Variants in GABRG3 observed in about 807,000 individuals in gnomAD.
GABRG3 encodes the protein gamma-aminobutyric acid receptor subunit gamma-3.
A neutral mutation model predicts 48.8 loss-of-function variants in GABRG3; 25 were observed. That is an observed-to-expected ratio of 0.51 (90% CI 0.37 to 0.72). The LOEUF is 0.72. Among genes scored for constraint, GABRG3 ranks in the 30% least tolerant of loss-of-function variants. The pLI is 0.00. For synonymous variants in GABRG3, 227 were observed against 217.6 expected (o/e 1.04, Z -0.38); for missense variants, 394 against 577.9 (o/e 0.68, Z 3.26).
intron 3 of GABRG3, among the ~76,000 whole-genome samples, chr15:27,287,998 A>G (rs1431058772): frequency 6.6e-6 from 1 of 152,022 alleles, no homozygotes; most frequent in African/African-American, 2.4e-5. Context: ...CGGCCTCCCA[A>G]AGTGCTGGGA....
chr15:27,353,457 T>G (rs1894710515), intron 5 of GABRG3, among the ~76,000 whole-genome samples: 1 of 151,728 alleles, frequency 6.6e-6, no homozygotes, highest in Non-Finnish European at 1.5e-5. Context: ...TATTTATTTA[T>G]TTTTGAGATG....
intron 5 of GABRG3, among the ~76,000 whole-genome samples, chr15:27,334,305 C>T (rs1020609070): frequency 8.5e-5 from 13 of 152,112 alleles, no homozygotes; most frequent in African/African-American, 2.7e-4. Context: ...CAGGCACACA[C>T]ATGCATATAC....
chr15:27,328,887 CTG>C lies in GABRG3; in HGVS notation c.574+2_574+3del. 1.2e-6 allele frequency: 2 copies of C among 1,613,570 alleles called. No homozygotes were observed. Among genetic ancestry groups the C allele is most frequent in the Non-Finnish European group, 1.7e-6 (2 of 1,179,444 alleles). ...ACTCCTGCCCGCTGATTTTCTCCAGCTGTGAGTACCAGTCCAAGCCCGGGGTG... is the reference window on the plus strand; with the variant it reads ...ACTCCTGCCCGCTGATTTTCTCCAGCTGAGTACCAGTCCAAGCCCGGGGTG... On this transcript the variant is annotated splice_donor_variant and coding_sequence_variant, in exon 5 of 10. Coordinates refer to ENST00000615808, the MANE Select transcript of GABRG3 (RefSeq NM_033223.5). LOFTEE classifies it high-confidence loss of function.
At chr15:27,157,473 C>T (rs1898462749) in intron 3 of GABRG3, 2 of 152,138 alleles carry the variant, frequency 1.3e-5, no homozygotes, top group Non-Finnish European at 2.9e-5. Flanking sequence ...ATTTCATATG[C>T]CCCCTGTTGT....
At chr15:27,068,451 T>G (rs1007321493) in intron 3 of GABRG3, among the ~76,000 whole-genome samples, 1 of 152,216 alleles carries the variant, frequency 6.6e-6, no homozygotes, top group Non-Finnish European at 1.5e-5. Context: ...TGGGGAACTG[T>G]ATGGGTGGCA....
intron 3 of GABRG3, among the ~76,000 whole-genome samples, chr15:27,220,992 T>G (rs772867422): frequency 7.2e-6 from 1 of 139,002 alleles, no homozygotes; most frequent in East Asian, 2.2e-4. Context: ...GAATTGCTTC[T>G]TTTTTTTTTC....
intron 3 of GABRG3, among the ~76,000 whole-genome samples, chr15:27,032,523 A>G (rs1271392761): frequency 6.6e-6 from 1 of 152,170 alleles, no homozygotes; most frequent in Non-Finnish European, 1.5e-5. Flanking sequence ...GCTTCCAATC[A>G]TGGCAGAGGT....
intron 3 of GABRG3, among the ~76,000 whole-genome samples, chr15:27,201,369 T>A (rs1177545668): frequency 6.7e-6 from 1 of 148,646 alleles, no homozygotes; most frequent in African/African-American, 2.5e-5. Flanking sequence ...TGTGTGTGTG[T>A]GTGAGAGAGA....
chr15:27,358,763 G>T (rs1209066312), intron 5 of GABRG3, among the ~76,000 whole-genome samples: 1 of 152,200 alleles, frequency 6.6e-6, no homozygotes, highest in Non-Finnish European at 1.5e-5. Context: ...CTCTTTCTAT[G>T]GGCTAAGTGG....
intron 3 of GABRG3, among the ~76,000 whole-genome samples, chr15:27,141,889 C>T (rs960864878): frequency 3.3e-5 from 5 of 152,116 alleles, no homozygotes; most frequent in Admixed American, 6.6e-5. Context: ...GCTGTGTGCT[C>T]ACCCATCTCT....
At chr15:27,028,142 GAGA>G (rs1272768280) in intron 3 of GABRG3, among the ~76,000 whole-genome samples, 1 of 152,220 alleles carries the variant, frequency 6.6e-6, no homozygotes, top group Non-Finnish European at 1.5e-5. Context: ...ACGGGCTGCA[GAGA>G]AGGAGGCCGA....
intron 3 of GABRG3, among the ~76,000 whole-genome samples, chr15:27,122,607 G>C (rs1345269503): frequency 6.6e-6 from 1 of 152,148 alleles, no homozygotes; most frequent in Non-Finnish European, 1.5e-5. Flanking sequence ...ATGATTTCAG[G>C]GAAACTCCTC....
At chr15:27,392,023 CTT>C (rs939799915) in intron 5 of GABRG3, among the ~76,000 whole-genome samples, 10 of 152,268 alleles carry the variant, frequency 6.6e-5, no homozygotes, top group African/African-American at 2.4e-4. Flanking sequence ...ATACCACTGT[CTT>C]TAAATTTTTT....
intron 5 of GABRG3, among the ~76,000 whole-genome samples, chr15:27,433,117 T>G (rs577513957): frequency 1.3e-5 from 2 of 152,234 alleles, no homozygotes; most frequent in East Asian, 3.8e-4. Flanking sequence ...GTGACCATAT[T>G]GGTACTCAAA....
At position 27,538,952 on chromosome 15, in the gene GABRG3, C is replaced by T. The variant is rs958592051; in HGVS notation, c.*6071C>T. 2.0e-5 allele frequency: 3 copies of T among 152,090 alleles called. No homozygotes were observed. Among genetic ancestry groups the T allele is most frequent in the Non-Finnish European group, 4.4e-5 (3 of 68,020 alleles). The allele number at this position is 152,090 out of a possible 1,614,324, so 9.4% of individuals were successfully genotyped here. ...GCCCACAGCACAATTATTGCAGTCC[C>T]CAAGATGTCAGTCTTCTCAAAATGA... On this transcript the variant is annotated 3_prime_UTR_variant, in exon 10 of 10. Coordinates refer to ENST00000615808, the MANE Select transcript of GABRG3 (RefSeq NM_033223.5).
At chr15:27,528,270 A>G (rs1891329609) in intron 9 of GABRG3, among the ~76,000 whole-genome samples, 1 of 152,218 alleles carries the variant, frequency 6.6e-6, no homozygotes. Flanking sequence ...AGGTTCATGC[A>G]TTTTAGCAAA....
intron 5 of GABRG3, among the ~76,000 whole-genome samples, chr15:27,345,414 G>A (rs947239326): frequency 6.6e-6 from 1 of 152,126 alleles, no homozygotes; most frequent in Non-Finnish European, 1.5e-5. Context: ...CAAAGCAAAG[G>A]CTTCTTGCAA....
intron 5 of GABRG3, among the ~76,000 whole-genome samples, chr15:27,408,559 G>A (rs545749013): frequency 2.6e-5 from 4 of 152,204 alleles, no homozygotes; most frequent in African/African-American, 4.8e-5. Flanking sequence ...AGCAAACCCC[G>A]GGACCAAAGC....
intron 2 of GABRG3, among the ~76,000 whole-genome samples, chr15:26,982,695 A>G (rs1195340961): frequency 6.6e-6 from 1 of 152,196 alleles, no homozygotes; most frequent in Non-Finnish European, 1.5e-5. Flanking sequence ...GTTCATTTCA[A>G]AGAAGGCAAC....
Sources: gnomAD v4.1 joint callset for allele counts (sites outside exome capture counted in the v4.1 genomes callset) on GRCh38, gnomAD v4.1.1 for gene constraint, MANE v1.5 for transcripts, NCBI Gene and HGNC (gene_info 2026-07-23, HGNC 2026-07-21) for gene names.